ZNF790: variants seen among roughly 807,000 people sequenced by gnomAD.
The protein encoded by ZNF790 is zinc finger protein 790.
A neutral mutation model predicts 12.1 loss-of-function variants in ZNF790; 8 were observed. The ratio of observed to expected loss-of-function variants is 0.66; its 90% CI spans 0.39 to 1.19. The LOEUF is 1.19. ZNF790 is among the 50% of genes most tolerant of loss of function. The pLI is 0.01. For missense variants in ZNF790, 707 were observed against 752.2 expected (o/e 0.94, Z 0.70); for synonymous variants, 252 against 244.3 (o/e 1.03, Z -0.29).
chr19:36,837,991 T>A (rs2072080079), intron 1 of ZNF790: 1 of 152,268 alleles, frequency 6.6e-6, no homozygotes, highest in South Asian at 2.1e-4. Context: ...TATCACCACC[T>A]TTACGAACGT....
Position 36,819,619 on chromosome 19 carries a change from G to A in ZNF790, c.725C>T (p.Thr242Ile), listed in dbSNP as rs774004736. ...ACCGGTATGAATTCTCTTATGACCAGTAAGACTCGAACGTAAACTAAAAGA... is the reference window on the plus strand; with the variant it reads ...ACCGGTATGAATTCTCTTATGACCAATAAGACTCGAACGTAAACTAAAAGA... ...GKSFSLRSSL[T>I]GHKRIHTGEK... Residue 242 changes from threonine (T) to isoleucine (I), a missense_variant, in exon 5 of 5, where the codon ACT becomes ATT. By Grantham distance (89) the Thr-to-Ile change is moderately conservative. Transcript: ENST00000356725. The A allele has an allele frequency of 1.9e-6, 3 of 1,607,394 alleles. No individual in the cohort carries two copies. In the African/African-American group the frequency reaches 4.0e-5, roughly 22 times the overall value.
chr19:36,818,345 C>A lies in ZNF790; in HGVS notation c.*88G>T. 1 of 1,314,956 alleles carries A rather than the reference C, an allele frequency of 7.6e-7. No homozygotes were observed. Among genetic ancestry groups the A allele is most frequent in the South Asian group, 1.8e-5 (1 of 54,108 alleles). The allele number at this position is 1,314,956 out of a possible 1,614,324, so 81.5% of individuals were successfully genotyped here. A position where few individuals can be genotyped will look rare whatever the true frequency, so the allele number is the denominator to read the frequency against. Reference sequence around the variant, plus strand: ...TTAAAATGCCTTCCAATATTACTTACATTTGTGGTGTTCCTCAAGAGAAAA... The same window carrying A: ...TTAAAATGCCTTCCAATATTACTTAAATTTGTGGTGTTCCTCAAGAGAAAA... On this transcript the variant is annotated 3_prime_UTR_variant, in exon 5 of 5. Coordinates refer to ENST00000356725, the MANE Select transcript of ZNF790 (RefSeq NM_206894.4).
At chr19:36,840,778 G>C (rs2072123154), upstream of ZNF790, among the ~76,000 whole-genome samples, 1 of 152,172 alleles carries the variant, frequency 6.6e-6, no homozygotes, top group Non-Finnish European at 1.5e-5. Context: ...CTGTCCTAAA[G>C]ATGTATGGTT....
chr19:36,831,909 C>T lies in ZNF790; in HGVS notation c.-73-6217G>A, dbSNP rs1452261735. The stretch of plus-strand genomic sequence containing the variant: ...GACCTAATAAAATTAGACTAAAACT[C>T]ATGGGGAATCAAGATAAAAATATCA... On this transcript the variant is annotated intron_variant, in intron 1 of 4. Coordinates refer to ENST00000356725, the MANE Select transcript of ZNF790 (RefSeq NM_206894.4). Among the ~76,000 whole-genome samples, 3 of 151,946 alleles carry T rather than the reference C, an allele frequency of 2.0e-5. No homozygotes were observed. The East Asian group carries it at 5.8e-4, about 29-fold the overall frequency.
Position 36,819,604 on chromosome 19 carries a change from A to G in ZNF790, c.740T>C (p.Ile247Thr). 6.2e-7 allele frequency: 1 copy of G among 1,608,620 alleles called. No individual in the cohort carries two copies. The highest frequency in any genetic ancestry group is 1.7e-4 in the Middle Eastern group (1 of 6,016). ...TTTAAAAGGTTTCTCACCGGTATGA[A>G]TTCTCTTATGACCAGTAAGACTCGA... ...LRSSLTGHKR[I>T]HTGEKPFKCK... The change falls in exon 5 of 5, where the codon ATT becomes ACT. Residue 247 changes from isoleucine (I) to threonine (T), a missense_variant. Transcript: ENST00000356725.
chr19:36,825,554 T>C, intron 2 of ZNF790, 57 bp downstream of exon 2: 2 of 1,557,056 alleles, frequency 1.3e-6, no homozygotes, highest in Non-Finnish European at 1.8e-6. Flanking sequence ...AATAAAAATA[T>C]TCACATGATT....
intron 1 of ZNF790, among the ~76,000 whole-genome samples, chr19:36,834,243 CAAA>C (rs751627349): frequency 1.5e-3 from 54 of 34,872 alleles, no homozygotes; most frequent in African/African-American, 4.4e-3. Flanking sequence ...AACTCCATCT[CAAA>C]AAAAAAAAAA....
At chr19:36,829,231 T>C (rs1288307106) in intron 1 of ZNF790, among the ~76,000 whole-genome samples, 4 of 152,208 alleles carry the variant, frequency 2.6e-5, no homozygotes, top group African/African-American at 9.7e-5. Context: ...TTAGAATATT[T>C]TCATCATTTC....
At chr19:36,841,635 A>G (rs1421435342), upstream of ZNF790, among the ~76,000 whole-genome samples, 3 of 151,328 alleles carry the variant, frequency 2.0e-5, no homozygotes, top group African/African-American at 7.3e-5. Flanking sequence ...ATATATATAT[A>G]TATTTTTAGG....
chr19:36,849,792 C>CAG (rs2072225245), intron 1 of ZNF790, among the ~76,000 whole-genome samples: 1 of 151,898 alleles, frequency 6.6e-6, no homozygotes, highest in Non-Finnish European at 1.5e-5. Flanking sequence ...GATCCATACA[C>CAG]GATCTTGCCC....
rs760619174 is a variant in ZNF790 at position 36,823,674 on chromosome 19, G to C, written c.126C>G (p.Val42=). 1.9e-6 allele frequency: 3 copies of C among 1,606,694 alleles called. No individual in the cohort carries two copies. The highest frequency in any genetic ancestry group is 2.5e-6 in the Non-Finnish European group (3 of 1,178,452). ...GAAAATGCTGAATCTTACCCAGTGA[G>C]ACCATGTTGCTGTAGTTCTCCAACA... ...DVMLENYSNM[V]SLGFCIYQPE... Residue 42 remains valine, a synonymous_variant, in exon 3 of 5, where the codon GTC becomes GTG. Transcript: ENST00000356725.
At chr19:36,838,885 C>A (rs1290160306), upstream of ZNF790, among the ~76,000 whole-genome samples, 1 of 152,186 alleles carries the variant, frequency 6.6e-6, no homozygotes, top group African/African-American at 2.4e-5. This position sits in a 1 kb window ranked among gnomAD's most constrained non-coding sequence, Gnocchi z 4.4. Flanking sequence ...CCGTCTCTGC[C>A]CGAGCCTCGG....
At chr19:36,846,120 T>C (rs536114731) in intron 1 of ZNF790, among the ~76,000 whole-genome samples, 24 of 152,146 alleles carry the variant, frequency 1.6e-4, no homozygotes, top group Admixed American at 5.2e-4. Context: ...CAATCTTATC[T>C]TTATCTGGAA....
At chr19:36,842,935 G>T (rs1600674285), upstream of ZNF790, among the ~76,000 whole-genome samples, 1 of 150,850 alleles carries the variant, frequency 6.6e-6, no homozygotes, top group South Asian at 2.1e-4. Flanking sequence ...AACCCAGGAG[G>T]TGGAGGTTGC....
intron 1 of ZNF790, among the ~76,000 whole-genome samples, chr19:36,829,400 A>G (rs1372759828): frequency 4.6e-5 from 7 of 152,192 alleles, no homozygotes; most frequent in Non-Finnish European, 1.0e-4. Flanking sequence ...TGGACTTGTT[A>G]CTGGCTTCTT....
chr19:36,835,724 A>G (rs2072032094), intron 1 of ZNF790, among the ~76,000 whole-genome samples: 1 of 151,812 alleles, frequency 6.6e-6, no homozygotes, highest in Non-Finnish European at 1.5e-5. Flanking sequence ...TGGAAGCTCC[A>G]GGGGAGAATT....
chr19:36,841,469 A>T (rs1238291955), upstream of ZNF790, among the ~76,000 whole-genome samples: 1 of 151,918 alleles, frequency 6.6e-6, no homozygotes, highest in Non-Finnish European at 1.5e-5. Context: ...AAAATACAAA[A>T]ATTAGCTGGG....
At chr19:36,824,052 G>A (rs79451695) in intron 2 of ZNF790, among the ~76,000 whole-genome samples, 6 of 146,128 alleles carry the variant, frequency 4.1e-5, no homozygotes, top group African/African-American at 1.0e-4. Context: ...GCTGGAGTGC[G>A]GTGGTGCAAT....
intron 1 of ZNF790, among the ~76,000 whole-genome samples, chr19:36,827,121 C>CACACACACACAT (rs2071829366): frequency 1.5e-5 from 1 of 65,276 alleles, no homozygotes; most frequent in Non-Finnish European, 2.8e-5. Flanking sequence ...TACACATACA[C>CACACACACACAT]ACACACACAC....
Sources: allele counts gnomAD v4.1 joint callset (sites outside exome capture counted in the v4.1 genomes callset), GRCh38; gene constraint gnomAD v4.1.1; non-coding constraint Gnocchi (gnomAD v3.1); transcripts MANE v1.5; gene names NCBI Gene and HGNC (gene_info 2026-07-23, HGNC 2026-07-21).